Variants in GUCY1A1 observed in about 807,000 individuals in gnomAD.
GUCY1A1 encodes the protein guanylate cyclase soluble subunit alpha-1.
A neutral mutation model predicts 64.5 loss-of-function variants in GUCY1A1; 48 were observed. The ratio of observed to expected loss-of-function variants is 0.74; its 90% CI spans 0.59 to 0.95. GUCY1A1 has a LOEUF of 0.95. GUCY1A1 is among the 40% of genes least tolerant of loss of function. The pLI is 0.00. For synonymous variants in GUCY1A1, 308 were observed against 303.4 expected, an observed-to-expected ratio of 1.02 and a Z score of -0.16; for missense variants, 804 against 825.3, an observed-to-expected ratio of 0.97 and a Z score of 0.32.
chr4:155,705,963 T>G (rs1731705316), intron 4 of GUCY1A1, among the ~76,000 whole-genome samples: 3 of 152,220 alleles, frequency 2.0e-5, no homozygotes, highest in Admixed American at 6.5e-5. Flanking sequence ...AGTCTCTCAC[T>G]GTGCTACTGT....
rs1355495299 is a variant in GUCY1A1 at position 155,695,628 on chromosome 4, C to G, written c.-112-1128C>G. On this transcript the variant is annotated intron_variant, in intron 2 of 9. Coordinates refer to ENST00000506455, the MANE Select transcript of GUCY1A1 (RefSeq NM_001130682.3). ...GCATTTGAACCCTAGTTCAGTCATT[C>G]TCTAGCATTTGAAATGAGAGAAAAC... Among the ~76,000 whole-genome samples, 3 of 152,182 alleles carry G rather than the reference C, an allele frequency of 2.0e-5. No homozygotes were observed. The East Asian group carries it at 5.8e-4, about 29-fold the overall frequency.
At chr4:155,682,699 A>AGTGTGT (rs60103633) in intron 2 of GUCY1A1, among the ~76,000 whole-genome samples, 220 of 146,880 alleles carry the variant, frequency 1.5e-3, no homozygotes, top group East Asian at 3.6e-3. Context: ...AAGAAAATTC[A>AGTGTGT]GTGTGTGTGT....
At chr4:155,689,801 G>A (rs2126682072) in intron 2 of GUCY1A1, among the ~76,000 whole-genome samples, 1 of 152,272 alleles carries the variant, frequency 6.6e-6, no homozygotes, top group African/African-American at 2.4e-5. Flanking sequence ...CGGGGGGCAG[G>A]GGCACTCCAA....
At chr4:155,686,017 TTCACTTTTGTCAGGAATCCCTGTGTCTC>T (rs1440254627) in intron 2 of GUCY1A1, among the ~76,000 whole-genome samples, 2 of 152,178 alleles carry the variant, frequency 1.3e-5, no homozygotes, top group Non-Finnish European at 2.9e-5. Flanking sequence ...CCAGAGTCAC[TTCACTTTTGTCAGGAATCCCTGTGTCTC>T]TTACTTTAAC....
chr4:155,694,208 T>C (rs1351396228), intron 2 of GUCY1A1, among the ~76,000 whole-genome samples: 1 of 152,162 alleles, frequency 6.6e-6, no homozygotes, highest in Non-Finnish European at 1.5e-5. Flanking sequence ...TTATTTAGTA[T>C]TATCTATTAC....
At chr4:155,699,379 C>G (rs1730805028) in intron 3 of GUCY1A1, among the ~76,000 whole-genome samples, 1 of 152,030 alleles carries the variant, frequency 6.6e-6, no homozygotes, top group African/African-American at 2.4e-5. Flanking sequence ...TTCTCTTTTT[C>G]CTAGGAAAAT....
rs762582757 is a variant in GUCY1A1, at chr4:155,708,309, T to C, written c.376+15T>C. 2.1e-6 allele frequency: 3 copies of C among 1,424,310 alleles called. No homozygotes were observed. Among genetic ancestry groups the C allele is most frequent in the Non-Finnish European group, 3.0e-6 (3 of 1,009,818 alleles). The allele number at this position is 1,424,310 out of a possible 1,614,324, so 88.2% of individuals were successfully genotyped here. A position where few individuals can be genotyped will look rare whatever the true frequency, so the allele number is the denominator to read the frequency against. On this transcript the variant is annotated intron_variant, in intron 5 of 9. Coordinates refer to ENST00000506455, the MANE Select transcript of GUCY1A1 (RefSeq NM_001130682.3). Reference sequence around the variant, plus strand: ...AGTTGCAGCAGGTAATAGAATTGTTTATGTAATTAGAAAGTATGCCATATA... The same window carrying C: ...AGTTGCAGCAGGTAATAGAATTGTTCATGTAATTAGAAAGTATGCCATATA...
rs1736041759 is a variant in GUCY1A1 at position 155,736,210 on chromosome 4, T to C, written c.*5979T>C. 1 of 151,970 alleles carries C rather than the reference T, an allele frequency of 6.6e-6. No individual in the cohort carries two copies. Among genetic ancestry groups the C allele is most frequent in the South Asian group, 2.1e-4 (1 of 4,826 alleles). The allele number at this position is 151,970 out of a possible 1,614,324, so 9.4% of individuals were successfully genotyped here. A position where few individuals can be genotyped will look rare whatever the true frequency, so the allele number is the denominator to read the frequency against. On this transcript the variant is annotated 3_prime_UTR_variant, in exon 10 of 10. Transcript: ENST00000506455. ...TCCATATACTACATATTAGGACAGC[T>C]TTTCTTTTCTAAATGAGCATGAATA...
In GUCY1A1 at chr4:155,679,125, C is replaced by G. The variant is rs772015845; in HGVS notation, c.-113+11706C>G. Among the ~76,000 whole-genome samples the G allele has an allele frequency of 5.3e-5, 8 of 151,318 alleles. No homozygotes were observed. In the South Asian group the frequency reaches 1.7e-3, roughly 32 times the overall value. On this transcript the variant is annotated intron_variant, in intron 2 of 9. Coordinates refer to ENST00000506455, the MANE Select transcript of GUCY1A1 (RefSeq NM_001130682.3). ...TTATGTAATAATGTCTTTTGAAGAG[C>G]CAAAGTATTTTTTTTATTTTGATGA...
At position 155,722,070 on chromosome 4, in the gene GUCY1A1, T is replaced by C. The variant is rs1734032739; in HGVS notation, c.1749T>C (p.Phe583=). ...MRIGLHSGSV[F]AGVVGVKMPR... ...TTGGACTGCACTCTGGATCAGTTTT[T>C]GCTGGCGTCGTTGGAGTTAAAATGC... The change falls in exon 9 of 10, where the codon TTT becomes TTC. Residue 583 remains phenylalanine, a synonymous_variant. Coordinates refer to ENST00000506455, the MANE Select transcript of GUCY1A1 (RefSeq NM_001130682.3). 1 of 1,613,494 alleles carries C rather than the reference T, an allele frequency of 6.2e-7. No individual in the cohort carries two copies. Among genetic ancestry groups the C allele is most frequent in the South Asian group, 1.1e-5 (1 of 91,052 alleles).
chr4:155,708,362 A>G, intron 5 of GUCY1A1, 68 bp downstream of exon 5: 1 of 810,670 alleles, frequency 1.2e-6, no homozygotes, highest in South Asian at 1.5e-5. Context: ...TTCTCCAAAA[A>G]TATTCATATT....
chr4:155,697,201 C>T, intron 3 of GUCY1A1, 79 bp downstream of exon 3: 4 of 1,014,430 alleles, frequency 3.9e-6, no homozygotes, highest in African/African-American at 1.6e-5. Flanking sequence ...AAAATTTAAA[C>T]ACTTCCTTTC....
intron 3 of GUCY1A1, among the ~76,000 whole-genome samples, chr4:155,702,006 G>A (rs536478794): frequency 1.3e-4 from 19 of 145,006 alleles, no homozygotes; most frequent in Middle Eastern, 6.9e-3. Flanking sequence ...CTGGCAGGTG[G>A]ACATCATTCA....
At position 155,715,982 on chromosome 4, in the gene GUCY1A1, G is replaced by A. The variant is rs558394759; in HGVS notation, c.1573-1177G>A. On this transcript the variant is annotated intron_variant, in intron 7 of 9. Transcript: ENST00000506455. ...ATTTCTTAGAGGGTGGTAGGAATCA[G>A]CTTTTCTAATAAGGTGAGGTTTTAG... Among the ~76,000 whole-genome samples, 9 of 152,264 alleles carry A rather than the reference G, an allele frequency of 5.9e-5. 1 individual carries two copies. The highest frequency in any genetic ancestry group is 2.2e-4 in the African/African-American group (9 of 41,562).
At chr4:155,719,276 C>T (rs1176539112) in intron 8 of GUCY1A1, among the ~76,000 whole-genome samples, 1 of 152,110 alleles carries the variant, frequency 6.6e-6, no homozygotes, top group East Asian at 1.9e-4. Context: ...ACCTGCAGCC[C>T]TGGGAAATAT....
At chr4:155,713,018 G>GT in intron 6 of GUCY1A1, 80 bp from the exon 7 acceptor site, 1 of 1,206,564 alleles carries the variant, frequency 8.3e-7, no homozygotes, top group African/African-American at 1.5e-5. Flanking sequence ...GTTTATTACT[G>GT]TATCTACTTC....
At chr4:155,699,804 C>T (rs958855412) in intron 3 of GUCY1A1, among the ~76,000 whole-genome samples, 3 of 152,086 alleles carry the variant, frequency 2.0e-5, no homozygotes, top group Non-Finnish European at 4.4e-5. Flanking sequence ...TTTGACATCA[C>T]AATTTTTGTT....
rs555387927 is a variant in GUCY1A1, at chr4:155,733,641, A to G, written c.*3410A>G. Among the ~76,000 whole-genome samples the G allele has an allele frequency of 6.6e-6, 1 of 151,512 alleles. No individual in the cohort carries two copies. Among genetic ancestry groups the G allele is most frequent in the Admixed American group, 6.6e-5 (1 of 15,144 alleles). On this transcript the variant is annotated 3_prime_UTR_variant, in exon 10 of 10. Coordinates refer to ENST00000506455, the MANE Select transcript of GUCY1A1 (RefSeq NM_001130682.3). ...AGAGCCATTATTATTCACTTGAGGC[A>G]CTTGTTCAAAATAGATTTTACAAAA... is the stretch of plus-strand genomic sequence containing the variant.
At chr4:155,692,873 G>A (rs1449211188) in intron 2 of GUCY1A1, among the ~76,000 whole-genome samples, 1 of 151,902 alleles carries the variant, frequency 6.6e-6, no homozygotes, top group East Asian at 1.9e-4. Flanking sequence ...AGCCTGGCCA[G>A]CATGGCGAAA....
Sources: allele counts gnomAD v4.1 joint callset (sites outside exome capture counted in the v4.1 genomes callset), GRCh38; gene constraint gnomAD v4.1.1; transcripts MANE v1.5; gene names NCBI Gene and HGNC (gene_info 2026-07-23, HGNC 2026-07-21).